LRRK2: variants seen among roughly 807,000 people sequenced by gnomAD.
The protein encoded by LRRK2 is leucine-rich repeat serine/threonine-protein kinase 2.
In LRRK2, 203 loss-of-function variants were observed where a neutral mutation model predicts 302.6. The ratio of observed to expected loss-of-function variants is 0.67; its 90% confidence interval spans 0.60 to 0.75. The LOEUF is 0.75. Among genes scored for constraint, LRRK2 ranks in the 30% least tolerant of loss-of-function variants. The pLI, the probability that LRRK2 is intolerant of heterozygous loss-of-function variation, is 0.00. For synonymous variants in LRRK2, 1,066 were observed against 1,031.9 expected, an observed-to-expected ratio of 1.03 and a Z score of -0.63; for missense variants, 2,830 against 2,951.0, an observed-to-expected ratio of 0.96 and a Z score of 0.95.
chr12:40,332,525 A>G (rs1468143731), intron 39 of LRRK2, among the ~76,000 whole-genome samples: 2 of 152,200 alleles, frequency 1.3e-5, no homozygotes, highest in African/African-American at 4.8e-5. Context: ...GATTTATTAC[A>G]AAAAATTCTT....
chr12:40,348,343 A>G, intron 42 of LRRK2, 66 bp from the exon 43 acceptor site: 1 of 1,103,124 alleles, frequency 9.1e-7, no homozygotes, highest in Non-Finnish European at 1.4e-6. Context: ...TTTTATAAAC[A>G]TTGAGAGGAA....
rs1240756168 is a variant in LRRK2 at position 40,346,777 on chromosome 12, G to C, written c.6134G>C (p.Arg2045Thr). 6.2e-7 allele frequency: 1 copy of C among 1,613,902 alleles called. No individual in the cohort carries two copies. The highest frequency in any genetic ancestry group is 1.7e-5 in the Admixed American group (1 of 60,008). Residue 2045 changes from arginine to threonine, a missense_variant, in exon 42 of 51, where the codon AGA (arginine) becomes ACA (threonine). By Grantham distance (71) the Arg-to-Thr change is moderately conservative (BLOSUM62 -1). Around this residue, in one of 3 missense-constraint regions of LRRK2, gnomAD observed 253 missense variants for 346.7 expected, o/e 0.73. Coordinates refer to ENST00000298910, the MANE Select transcript of LRRK2 (RefSeq NM_198578.4). ...TPGFRAPEVA[R>T]GNVIYNQQAD... The stretch of plus-strand genomic sequence containing the variant: ...GGGTTTCGTGCACCTGAAGTTGCCA[G>C]AGGAAATGTCATTTATAACCAACAG...
intron 41 of LRRK2, among the ~76,000 whole-genome samples, chr12:40,343,563 A>T (rs968988528): frequency 6.6e-6 from 1 of 152,160 alleles, no homozygotes; most frequent in South Asian, 2.1e-4. Flanking sequence ...TTAATTCATA[A>T]ATTTCTCTTA....
chr12:40,255,931 T>C (rs955766433), intron 11 of LRRK2, among the ~76,000 whole-genome samples: 1 of 152,210 alleles, frequency 6.6e-6, no homozygotes, highest in Non-Finnish European at 1.5e-5. Flanking sequence ...GTGATTTCTA[T>C]TTATTTCCAT....
At chr12:40,257,797 A>G (rs941551991) in intron 12 of LRRK2, among the ~76,000 whole-genome samples, 1 of 152,112 alleles carries the variant, frequency 6.6e-6, no homozygotes, top group Non-Finnish European at 1.5e-5. Context: ...CCTGCTCTCA[A>G]TCCTTAGTTA....
intron 39 of LRRK2, among the ~76,000 whole-genome samples, chr12:40,330,640 G>A (rs1018623913): frequency 6.6e-6 from 1 of 152,030 alleles, no homozygotes; most frequent in African/African-American, 2.4e-5. Context: ...CTATGTACCA[G>A]GTTAGGTGAT....
At chr12:40,267,075 T>C (rs1377498938) in intron 14 of LRRK2, among the ~76,000 whole-genome samples, 1 of 152,060 alleles carries the variant, frequency 6.6e-6, no homozygotes, top group Non-Finnish European at 1.5e-5. Context: ...ATGGCACATG[T>C]ATACATATGT....
chr12:40,332,952 T>G (rs1164389122), intron 39 of LRRK2, among the ~76,000 whole-genome samples: 1 of 83,552 alleles, frequency 1.2e-5, no homozygotes, highest in Non-Finnish European at 2.5e-5. Context: ...ATAATGTGCT[T>G]CTTCTCTTAA....
rs1422458261 is a variant in LRRK2, at chr12:40,363,500, G to C, written c.7127G>C (p.Trp2376Ser). 2 of 1,611,996 alleles carry C rather than the reference G, an allele frequency of 1.2e-6. No homozygotes were observed. The highest frequency in any genetic ancestry group is 1.7e-6 in the Non-Finnish European group (2 of 1,178,720). The change falls in exon 48 of 51, where the codon TGG becomes TCG. Residue 2376 changes from tryptophan (W) to serine (S), a missense_variant. Transcript: ENST00000298910. ...AKQNSPVVEV[W>S]DKKTEKLCGL... is the part of the protein sequence containing the mutation. ...CAAAATAGCCCTGTTGTGGAAGTGT[G>C]GGATAAGAAAACTGAAAAACTCTGT...
chr12:40,250,770 C>T (rs913983794), intron 8 of LRRK2, among the ~76,000 whole-genome samples: 2 of 152,168 alleles, frequency 1.3e-5, no homozygotes, highest in Non-Finnish European at 2.9e-5. Flanking sequence ...GTGGTTTTCT[C>T]TTCATGTGTT....
Position 40,295,544 on chromosome 12 carries a change from C to G in LRRK2, c.2996C>G (p.Ala999Gly). The G allele has an allele frequency of 6.2e-7, 1 of 1,613,934 alleles. No homozygotes were observed. Among genetic ancestry groups the G allele is most frequent in the Non-Finnish European group, 8.5e-7 (1 of 1,179,962 alleles). Reference sequence around the variant, plus strand: ...GCAAATGAACTAAGAGATATTGATGCCCTAAGCCAGAAATGCTGTATAAGT... The same window carrying G: ...GCAAATGAACTAAGAGATATTGATGGCCTAAGCCAGAAATGCTGTATAAGT... ...LSANELRDID[A>G]LSQKCCISVH... The change falls in exon 23 of 51, where the codon GCC (alanine) becomes GGC (glycine). Residue 999 changes from alanine to glycine, a missense_variant. Physicochemically the swap from Ala to Gly is moderately conservative, Grantham distance 60. Coordinates refer to ENST00000298910, the MANE Select transcript of LRRK2 (RefSeq NM_198578.4).
At chr12:40,291,031 A>T (rs1944125623) in intron 20 of LRRK2, among the ~76,000 whole-genome samples, 1 of 152,050 alleles carries the variant, frequency 6.6e-6, no homozygotes, top group South Asian at 2.1e-4. Context: ...TAATTTCCCA[A>T]ATGTCCAACA....
chr12:40,333,684 T>G (rs970451396), intron 39 of LRRK2, among the ~76,000 whole-genome samples: 5 of 151,606 alleles, frequency 3.3e-5, no homozygotes, highest in Admixed American at 6.6e-5. Context: ...CGGACTTTTT[T>G]TGAATTGCAG....
chr12:40,353,998 G>T (rs1328174784), intron 44 of LRRK2, among the ~76,000 whole-genome samples: 1 of 152,128 alleles, frequency 6.6e-6, no homozygotes, highest in Admixed American at 6.6e-5. Context: ...GGGAGACCAT[G>T]GGGAGAGGGA....
At chr12:40,250,340 A>G (rs1329098795) in intron 8 of LRRK2, among the ~76,000 whole-genome samples, 1 of 152,026 alleles carries the variant, frequency 6.6e-6, no homozygotes, top group Non-Finnish European at 1.5e-5. Context: ...AAATATAAAA[A>G]TTAGTCTGGC....
intron 41 of LRRK2, among the ~76,000 whole-genome samples, chr12:40,340,741 G>A (rs1946013699): frequency 1.3e-5 from 2 of 152,140 alleles, no homozygotes. Flanking sequence ...AGATACTCTA[G>A]AGGTCATAAA....
chr12:40,318,807 A>G (rs1425402894), intron 33 of LRRK2, among the ~76,000 whole-genome samples: 1 of 152,086 alleles, frequency 6.6e-6, no homozygotes, highest in Non-Finnish European at 1.5e-5. Flanking sequence ...TACCACCTAA[A>G]CTGTAAGAGC....
chr12:40,314,055 T>C lies in LRRK2; in HGVS notation c.4620T>C (p.Asn1540=), dbSNP rs747299056. 10 of 1,612,642 alleles carry C rather than the reference T, an allele frequency of 6.2e-6. No homozygotes were observed. The South Asian group carries it at 9.9e-5, about 16-fold the overall frequency. The change falls in exon 32 of 51, where the codon AAT becomes AAC. Residue 1540 remains asparagine (N), a synonymous_variant. Transcript: ENST00000298910. ...LEKIILSERK[N]VPIEFPVIDR... ...AAATCATTTTATCGGAGCGTAAAAA[T>C]GTGCCAATTGAATTTCCCGTAATTG...
chr12:40,260,637 A>T (rs1205835726), intron 13 of LRRK2, among the ~76,000 whole-genome samples: 1 of 152,118 alleles, frequency 6.6e-6, no homozygotes, highest in African/African-American at 2.4e-5. Context: ...TGCAGATTGT[A>T]GTGTCACACC....
Sources: gnomAD v4.1 joint callset for allele counts (sites outside exome capture counted in the v4.1 genomes callset) on GRCh38, gnomAD v4.1.1 for gene constraint, gnomAD v4.1.1 regional missense constraint, MANE v1.5 for transcripts, NCBI Gene and HGNC (gene_info 2026-07-23, HGNC 2026-07-21) for gene names.